Variants in TTLL6 observed in about 807,000 individuals in gnomAD.
TTLL6 encodes the protein tubulin tyrosine ligase like 6, also known as tubulin polyglutamylase TTLL6.
Under a neutral mutation model 96.4 loss-of-function variants are expected in TTLL6, and 75 were observed. That is an observed-to-expected ratio of 0.78 (90% confidence interval 0.65 to 0.94). The LOEUF (loss-of-function observed/expected upper bound fraction) is 0.94. Among genes scored for constraint, TTLL6 ranks in the 40% least tolerant of loss-of-function variants. The probability of loss-of-function intolerance (pLI) is 0.00; values close to 1 mark genes in which losing one functional copy is unlikely to be tolerated. For synonymous variants in TTLL6, 411 were observed against 419.4 expected (o/e 0.98, Z 0.24); for missense variants, 1,030 against 1,093.0 (o/e 0.94, Z 0.81).
chr17:48,789,821 T>C, intron 10 of TTLL6, 110 bp downstream of exon 10: 1 of 1,183,834 alleles, frequency 8.4e-7, no homozygotes, highest in Non-Finnish European at 1.2e-6. Flanking sequence ...CCTCCCAAAG[T>C]GCTGGGATTA....
At position 48,786,274 on chromosome 17, in the gene TTLL6, C is replaced by T; in HGVS notation, c.1651G>A (p.Val551Ile). Reference protein sequence around the residue: ...EKKPFQMKKKVEMQGESAGEQ... With the variant: ...EKKPFQMKKKIEMQGESAGEQ... ...CCTGCCGATTCCCCCTGCATCTCTA[C>T]CTTCTTCTTCATTTGGAAGGGCTTT... The change falls in exon 12 of 16, where the codon GTA (valine) becomes ATA (isoleucine). Residue 551 changes from valine to isoleucine, a missense_variant. Physicochemically the swap from Val to Ile is conservative, Grantham distance 29. Coordinates refer to ENST00000393382, the MANE Select transcript of TTLL6 (RefSeq NM_001130918.3). 7 of 1,614,246 alleles carry T rather than the reference C, an allele frequency of 4.3e-6. No individual in the cohort carries two copies. Among genetic ancestry groups the T allele is most frequent in the Non-Finnish European group, 5.1e-6 (6 of 1,180,046 alleles).
At position 48,797,195 on chromosome 17, in the gene TTLL6, T is replaced by C. The variant is rs936377647; in HGVS notation, c.778A>G (p.Ile260Val). The C allele has an allele frequency of 1.3e-6, 2 of 1,550,196 alleles. No homozygotes were observed. Among genetic ancestry groups the C allele is most frequent in the African/African-American group, 1.4e-5 (1 of 72,944 alleles). The change falls in exon 7 of 16, where the codon ATT becomes GTT. Residue 260 changes from isoleucine to valine, a missense_variant. By Grantham distance (29) the Ile-to-Val change is conservative. Coordinates refer to ENST00000393382, the MANE Select transcript of TTLL6 (RefSeq NM_001130918.3). ...CQLYISKPFI[I>V]DGFKFDLRIY... ...CGTAGGTCAAACTTAAACCCATCAA[T>C]GATAAAGGGCTGGAAGGAGAGAACA...
intron 8 of TTLL6, chr17:48,794,429 T>C: frequency 7.2e-7 from 1 of 1,391,266 alleles, no homozygotes; most frequent in Non-Finnish European, 9.5e-7. Flanking sequence ...GGGAGTCTCA[T>C]CACGTTCATC....
At position 48,801,597 on chromosome 17, in the gene TTLL6, G is replaced by A. The variant is rs760225479; in HGVS notation, c.408C>T (p.Asp136=). The A allele has an allele frequency of 3.9e-5, 61 of 1,551,628 alleles. No individual in the cohort carries two copies. The highest frequency in any genetic ancestry group is 5.9e-5 in the South Asian group (5 of 84,056). ...QQYGFREGGE[D]DDWTLYWTDY... The stretch of plus-strand genomic sequence containing the variant: ...CTGTCCAATAGAGAGTCCAGTCATC[G>A]TCTTCCCCTCCCTCTCTAAAGCCGT... Residue 136 remains aspartate, a synonymous_variant, in exon 4 of 16, where the codon GAC becomes GAT. Transcript: ENST00000393382.
chr17:48,786,229 C>G lies in TTLL6; in HGVS notation c.1696G>C (p.Gly566Arg), dbSNP rs1464392067. 4 of 1,614,198 alleles carry G rather than the reference C, an allele frequency of 2.5e-6. No homozygotes were observed. The highest frequency in any genetic ancestry group is 2.2e-5 in the South Asian group (2 of 91,086). ...ESAGEQVRKK[G>R]MRGWQQKQQQ... is the part of the protein sequence containing the mutation. ...TGTTTCTGTTGCCAGCCCCTCATGC[C>G]CTTCTTTCTCACTTGCTCGCCTGCC... The change falls in exon 12 of 16, where the codon GGC becomes CGC. Residue 566 changes from glycine (G) to arginine (R), a missense_variant. Coordinates refer to ENST00000393382, the MANE Select transcript of TTLL6 (RefSeq NM_001130918.3).
At chr17:48,774,473 GT>G (rs761966491) in intron 13 of TTLL6, among the ~76,000 whole-genome samples, 6 of 150,460 alleles carry the variant, frequency 4.0e-5, no homozygotes, top group African/African-American at 7.3e-5. Flanking sequence ...CCAAAATCTA[GT>G]TTTTTTTTAA....
Position 48,785,207 on chromosome 17 carries a change from G to A in TTLL6, c.1762-6C>T. On this transcript the variant is annotated splice_polypyrimidine_tract_variant and splice_region_variant and intron_variant, in intron 12 of 15. Transcript: ENST00000393382. ...AATGTCAATGGCTGGATGTACTGAG[G>A]GAGGAAGAAACCACAACACACAGCC... The A allele has an allele frequency of 1.2e-6, 2 of 1,614,064 alleles. No individual in the cohort carries two copies. Among genetic ancestry groups the A allele is most frequent in the Non-Finnish European group, 1.7e-6 (2 of 1,180,036 alleles).
In TTLL6 at chr17:48,773,997, G is replaced by A. The variant is rs1435721528; in HGVS notation, c.2041-3900C>T. Among the ~76,000 whole-genome samples, 19 of 144,464 alleles carry A rather than the reference G, an allele frequency of 1.3e-4. No homozygotes were observed. The East Asian group carries it at 3.4e-3, about 26-fold the overall frequency. 94.8% of individuals were successfully genotyped at this position (144,464 alleles called of 152,430 possible). ...CTTGGGAGGCTGAGGCAGGAGAATC[G>A]CTTGAACCTGGGAAGCGGAGGTTGC... On this transcript the variant is annotated intron_variant, in intron 13 of 15. Transcript: ENST00000393382.
chr17:48,791,572 C>G lies in TTLL6; in HGVS notation c.1030G>C (p.Asp344His). The change falls in exon 9 of 16, where the codon GAC (aspartate) becomes CAC (histidine). Residue 344 changes from aspartate to histidine, a missense_variant. Coordinates refer to ENST00000393382, the MANE Select transcript of TTLL6 (RefSeq NM_001130918.3). ...KLSTFSAYLE[D>H]HSYNVEQIWR... ...ATCTGCTCCACGTTGTAGCTGTGGT[C>G]CTCCAAGTATGCACTGAAGGTGGAG... 1 of 1,613,884 alleles carries G rather than the reference C, an allele frequency of 6.2e-7. No individual in the cohort carries two copies. Among genetic ancestry groups the G allele is most frequent in the African/African-American group, 1.3e-5 (1 of 75,036 alleles).
intron 2 of TTLL6, chr17:48,804,171 G>A: frequency 1.7e-6 from 1 of 589,078 alleles, no homozygotes; most frequent in African/African-American, 1.8e-5. Flanking sequence ...TGCAATTACA[G>A]CTGATCTTGC....
intron 13 of TTLL6, among the ~76,000 whole-genome samples, chr17:48,773,951 G>T (rs1013925202): frequency 6.6e-6 from 1 of 150,944 alleles, no homozygotes; most frequent in Non-Finnish European, 1.5e-5. Context: ...GCGTGGTGGT[G>T]CATGCCTGTA....
At chr17:48,803,742 T>C (rs1321778988) in intron 3 of TTLL6, 149 bp downstream of exon 3, 2 of 778,594 alleles carry the variant, frequency 2.6e-6, no homozygotes, top group East Asian at 2.7e-5. Flanking sequence ...ACCTCTTTAA[T>C]TAAATAGTTC....
intron 13 of TTLL6, 32 bp downstream of exon 13, chr17:48,784,891 C>G (rs2039057193): frequency 6.3e-7 from 1 of 1,586,378 alleles, no homozygotes; most frequent in Non-Finnish European, 8.6e-7. Flanking sequence ...AGACTCCCAC[C>G]ACTCCCTCCC....
At chr17:48,774,596 C>T (rs1354755841) in intron 13 of TTLL6, among the ~76,000 whole-genome samples, 1 of 151,996 alleles carries the variant, frequency 6.6e-6, no homozygotes, top group Admixed American at 6.6e-5. Context: ...ACTCTACAGA[C>T]ATTAAAATGA....
At chr17:48,792,138 G>A (rs529007526) in intron 8 of TTLL6, among the ~76,000 whole-genome samples, 1 of 152,306 alleles carries the variant, frequency 6.6e-6, no homozygotes, top group East Asian at 1.9e-4. Flanking sequence ...TACCAACTGT[G>A]CCAGGCAAAC....
At chr17:48,796,036 A>G in intron 8 of TTLL6, 25 bp downstream of exon 8, 1 of 1,542,744 alleles carries the variant, frequency 6.5e-7, no homozygotes, top group Non-Finnish European at 8.8e-7. Context: ...AGGGAAAGGA[A>G]AGAAAAATGA....
chr17:48,785,301 G>C, intron 12 of TTLL6, 100 bp from the exon 13 acceptor site: 1 of 1,541,078 alleles, frequency 6.5e-7, no homozygotes, highest in East Asian at 2.3e-5. Flanking sequence ...GAGATGAGGA[G>C]AAGGAAAGCA....
At chr17:48,809,737 T>C (rs974394913) in intron 1 of TTLL6, among the ~76,000 whole-genome samples, 1 of 152,102 alleles carries the variant, frequency 6.6e-6, no homozygotes, top group Admixed American at 6.5e-5. Context: ...ATGCCTGTAG[T>C]CCCAGCTACT....
intron 11 of TTLL6, among the ~76,000 whole-genome samples, chr17:48,787,258 T>G (rs974861682): frequency 6.6e-6 from 1 of 152,242 alleles, no homozygotes. Flanking sequence ...TGTGAATCCA[T>G]GAGGCAGCTT....
Sources: allele counts gnomAD v4.1 joint callset (sites outside exome capture counted in the v4.1 genomes callset), GRCh38; gene constraint gnomAD v4.1.1; transcripts MANE v1.5; gene names NCBI Gene and HGNC (gene_info 2026-07-23, HGNC 2026-07-21).